SEC14L1: variants seen among roughly 807,000 people sequenced by gnomAD.
SEC14L1 encodes the protein SEC14 like lipid binding 1, also known as SEC14-like protein 1.
SEC14L1 carries 48 observed loss-of-function variants against 85.3 expected under a neutral mutation model. The observed-to-expected ratio is 0.56, with a 90% CI of 0.45 to 0.72. The LOEUF (loss-of-function observed/expected upper bound fraction) is 0.72. SEC14L1 is among the 30% of genes least tolerant of loss of function. The probability of loss-of-function intolerance (pLI) is 0.00; values close to 1 mark genes in which losing one functional copy is unlikely to be tolerated. For missense variants in SEC14L1, 682 were observed against 921.4 expected (o/e 0.74, Z 3.36); for synonymous variants, 391 against 355.5 (o/e 1.10, Z -1.12).
At chr17:77,176,643 A>G (rs570533040) in intron 3 of SEC14L1, among the ~76,000 whole-genome samples, 21 of 152,208 alleles carry the variant, frequency 1.4e-4, no homozygotes, top group African/African-American at 4.1e-4. Flanking sequence ...CTGGAGTGCA[A>G]TGGCAGAGTC....
In SEC14L1 at chr17:77,183,328, T is replaced by C. The variant is rs566973794; in HGVS notation, c.64-7475T>C. On this transcript the variant is annotated intron_variant, in intron 3 of 16. Coordinates refer to ENST00000436233, the MANE Select transcript of SEC14L1 (RefSeq NM_001143998.2). ...CATGTCCGCTAGGTAAATTAGCACA[T>C]TTGCTTTCTCTGTCTCTTTCACAAA... Among the ~76,000 whole-genome samples the C allele has an allele frequency of 3.9e-5, 6 of 152,226 alleles. No individual in the cohort carries two copies. In the South Asian group the frequency reaches 8.3e-4, roughly 21 times the overall value.
chr17:77,140,505 G>T (rs1271013810), upstream of SEC14L1, among the ~76,000 whole-genome samples: 1 of 152,268 alleles, frequency 6.6e-6, no homozygotes, highest in Admixed American at 6.5e-5. Context: ...AGCCGCCAGG[G>T]CGACCAGAGG....
At chr17:77,172,942 G>A (rs528588428) in intron 3 of SEC14L1, among the ~76,000 whole-genome samples, 15 of 152,190 alleles carry the variant, frequency 9.9e-5, no homozygotes, top group Admixed American at 2.0e-4. Flanking sequence ...CTGCTGGGAC[G>A]TTCTGACCTG....
chr17:77,147,992 T>C (rs1386660878), intron 3 of SEC14L1, among the ~76,000 whole-genome samples: 1 of 152,164 alleles, frequency 6.6e-6, no homozygotes, highest in African/African-American at 2.4e-5. Flanking sequence ...CACGGGAGCA[T>C]AGTGATATGA....
rs1466866651 is a variant in SEC14L1 at position 77,214,599 on chromosome 17, A to T, written c.*576A>T. ...GCGGAGTACCTTGTCCCAGGGCCAG[A>T]CACACCCACACCACCCACTGTCCTG... On this transcript the variant is annotated 3_prime_UTR_variant, in exon 17 of 17. Coordinates refer to ENST00000436233, the MANE Select transcript of SEC14L1 (RefSeq NM_001143998.2). 4.1e-6 allele frequency: 4 copies of T among 987,206 alleles called. No individual in the cohort carries two copies. The highest frequency in any genetic ancestry group is 4.8e-6 in the Non-Finnish European group (4 of 831,248). The allele number at this position is 987,206 out of a possible 1,614,324, so 61.2% of individuals were successfully genotyped here.
At position 77,107,769 on chromosome 17, in the gene SEC14L1, G is replaced by A. The variant is rs184056234; in HGVS notation, c.-136+14422G>A. 2.4e-4 allele frequency among the ~76,000 whole-genome samples: 36 copies of A among 152,298 alleles called. 1 individual carries two copies. In the East Asian group the frequency reaches 6.2e-3, roughly 26 times the overall value. On this transcript the variant is annotated intron_variant, in intron 3 of 19. Coordinates refer to the SEC14L1 transcript ENST00000392476. ...GTGGCGTTCTAAAGGTTTCCCACGCGCTGACGGCTGAGTTGGTTTTCAAGC... is the reference window on the plus strand; with the variant it reads ...GTGGCGTTCTAAAGGTTTCCCACGCACTGACGGCTGAGTTGGTTTTCAAGC...
chr17:77,134,094 C>T (rs1370108610), intron 3 of SEC14L1, among the ~76,000 whole-genome samples: 2 of 152,058 alleles, frequency 1.3e-5, no homozygotes, highest in African/African-American at 4.8e-5. Flanking sequence ...TCTGCTGCAG[C>T]GCTGCGGTCC....
upstream of SEC14L1, among the ~76,000 whole-genome samples, chr17:77,137,097 C>T (rs1165764088): frequency 2.6e-5 from 4 of 151,960 alleles, no homozygotes; most frequent in African/African-American, 4.8e-5. Context: ...TTAGTAGAGA[C>T]GGGGTTTCTC....
At position 77,202,792 on chromosome 17, in the gene SEC14L1, C is replaced by T. The variant is rs1412313664; in HGVS notation, c.1010-778C>T. The stretch of plus-strand genomic sequence containing the variant: ...AAAATTAGCCGGGCATGGCAGCGTG[C>T]GCCTGTAGTTCCAGCTACTTGGGAG... On this transcript the variant is annotated intron_variant, in intron 9 of 16. Coordinates refer to ENST00000436233, the MANE Select transcript of SEC14L1 (RefSeq NM_001143998.2). 2.6e-5 allele frequency among the ~76,000 whole-genome samples: 4 copies of T among 151,840 alleles called. No individual in the cohort carries two copies. In the East Asian group the frequency reaches 7.8e-4, roughly 29 times the overall value.
In SEC14L1 at chr17:77,216,661, C is replaced by T; in HGVS notation, c.*2638C>T. The T allele has an allele frequency of 1.2e-6, 2 of 1,602,964 alleles. No individual in the cohort carries two copies. The highest frequency in any genetic ancestry group is 1.7e-6 in the Non-Finnish European group (2 of 1,171,696). On this transcript the variant is annotated 3_prime_UTR_variant, in exon 17 of 17. Coordinates refer to ENST00000436233, the MANE Select transcript of SEC14L1 (RefSeq NM_001143998.2). Reference sequence around the variant, plus strand: ...CAGCCATCCCCTGCCCCCTCCCAGGCTGAAGATCTGTTCTTTTTAAGTTGA... The same window carrying T: ...CAGCCATCCCCTGCCCCCTCCCAGGTTGAAGATCTGTTCTTTTTAAGTTGA...
intron 14 of SEC14L1, chr17:77,210,285 C>T (rs1009869198): frequency 6.6e-6 from 1 of 152,308 alleles, no homozygotes; most frequent in Non-Finnish European, 1.5e-5. Context: ...CAAGGGCGTT[C>T]CGTGTTCCTG....
At chr17:77,098,129 C>T (rs17533024) in intron 3 of SEC14L1, among the ~76,000 whole-genome samples, 20,265 of 152,124 alleles carry the variant, frequency 0.13, 1,792 homozygotes, top group Non-Finnish European at 0.19. Flanking sequence ...GAATAGTGTC[C>T]GTAGCTTACA....
At chr17:77,101,814 G>T (rs1388630897) in intron 3 of SEC14L1, among the ~76,000 whole-genome samples, 3 of 152,190 alleles carry the variant, frequency 2.0e-5, no homozygotes, top group Non-Finnish European at 4.4e-5. Flanking sequence ...ACTATTGGTG[G>T]TGCTCATTTA....
At chr17:77,200,362 T>G in intron 8 of SEC14L1, 122 bp from the exon 9 acceptor site, 1 of 694,908 alleles carries the variant, frequency 1.4e-6, no homozygotes, top group Non-Finnish European at 2.4e-6. Flanking sequence ...AGAGATGGCA[T>G]TTCACCATAT....
intron 9 of SEC14L1, among the ~76,000 whole-genome samples, chr17:77,202,858 G>T (rs9892908): frequency 0.26 from 39,342 of 151,030 alleles, 5,341 homozygotes; most frequent in Middle Eastern, 0.32. Flanking sequence ...GGCAGAGGTT[G>T]CAGTGAGCTG....
In SEC14L1 at chr17:77,194,821, G is replaced by A. The variant is rs201160040; in HGVS notation, c.619G>A (p.Val207Ile). The change falls in exon 7 of 17, where the codon GTC (valine) becomes ATC (isoleucine). Residue 207 changes from valine to isoleucine, a missense_variant. Physicochemically the swap from Val to Ile is conservative, Grantham distance 29 (BLOSUM62 3). Around this residue, in one of 3 missense-constraint regions of SEC14L1, gnomAD observed 123 missense variants for 100.6 expected, o/e 1.22. Transcript: ENST00000436233. ...SKKQAASMAVVIPEAALKEGL... is the reference protein window; with the variant it reads ...SKKQAASMAVIIPEAALKEGL... ...GAAACAAGCAGCGTCCATGGCCGTCGTCATCCCAGAAGCTGCCCTCAAGGA... is the reference window on the plus strand; with the variant it reads ...GAAACAAGCAGCGTCCATGGCCGTCATCATCCCAGAAGCTGCCCTCAAGGA... 336 of 1,614,042 alleles carry A rather than the reference G, an allele frequency of 2.1e-4. No homozygotes were observed. Among genetic ancestry groups the A allele is most frequent in the Non-Finnish European group, 2.5e-4 (292 of 1,180,052 alleles).
chr17:77,154,865 ACTT>A (rs1337150717), intron 3 of SEC14L1, among the ~76,000 whole-genome samples: 3 of 151,710 alleles, frequency 2.0e-5, no homozygotes, highest in Non-Finnish European at 4.4e-5. Flanking sequence ...CTGCGTCCTT[ACTT>A]CTTTTCCTTT....
intron 3 of SEC14L1, among the ~76,000 whole-genome samples, chr17:77,112,166 G>C (rs957349431): frequency 2.6e-5 from 4 of 152,122 alleles, no homozygotes; most frequent in Admixed American, 2.6e-4. Flanking sequence ...GCCCTGTGAA[G>C]AAAGTGCCTT....
chr17:77,209,254 G>A, intron 13 of SEC14L1, 88 bp from the exon 14 acceptor site: 2 of 1,503,254 alleles, frequency 1.3e-6, no homozygotes, highest in Non-Finnish European at 1.8e-6. Flanking sequence ...GAAGTTGAGT[G>A]CAGGGGGATA....
Sources: gnomAD v4.1 joint callset for allele counts (sites outside exome capture counted in the v4.1 genomes callset) on GRCh38, gnomAD v4.1.1 for gene constraint, gnomAD v4.1.1 regional missense constraint, MANE v1.5 for transcripts, NCBI Gene and HGNC (gene_info 2026-07-23, HGNC 2026-07-21) for gene names.